The following SLC25A32 variants were observed in gnomAD, a reference collection of about 807,000 sequenced individuals.
SLC25A32 encodes solute carrier family 25 member 32.
SLC25A32 carries 32 observed loss-of-function variants against 39.0 expected under a neutral mutation model. The observed-to-expected ratio is 0.82, with a 90% confidence interval of 0.62 to 1.10. SLC25A32 has a LOEUF of 1.10. Among genes scored for constraint, SLC25A32 ranks in the 50% least tolerant of loss-of-function variants. The probability of loss-of-function intolerance (pLI) is 0.00; values close to 1 mark genes in which losing one functional copy is unlikely to be tolerated. For missense variants in SLC25A32, 367 were observed against 395.3 expected, an observed-to-expected ratio of 0.93 and a Z score of 0.61; for synonymous variants, 166 against 152.4, an observed-to-expected ratio of 1.09 and a Z score of -0.66.
intron 1 of SLC25A32, among the ~76,000 whole-genome samples, chr8:103,414,435 T>A (rs987364203): frequency 1.3e-5 from 2 of 152,228 alleles, no homozygotes; most frequent in Non-Finnish European, 2.9e-5. Flanking sequence ...GATTTCAAAG[T>A]TCCTCCAAGA....
chr8:103,408,740 A>T (rs1326535618), intron 1 of SLC25A32, among the ~76,000 whole-genome samples: 1 of 152,204 alleles, frequency 6.6e-6, no homozygotes, highest in Admixed American at 6.5e-5. Flanking sequence ...AACAAACGCC[A>T]TCATCATCTG....
intron 1 of SLC25A32, 123 bp downstream of exon 1, chr8:103,414,661 A>C: frequency 1.5e-6 from 2 of 1,369,444 alleles, no homozygotes; most frequent in Admixed American, 4.4e-5. Flanking sequence ...AGTTCAGGTT[A>C]GCCAACGCGG....
chr8:103,413,750 C>T (rs910101796), intron 1 of SLC25A32, among the ~76,000 whole-genome samples: 27 of 152,242 alleles, frequency 1.8e-4, no homozygotes, highest in African/African-American at 6.5e-4. Flanking sequence ...CGGGTTCTTG[C>T]TTCCTCTCCA....
chr8:103,401,483 C>T (rs758804462), intron 6 of SLC25A32, 33 bp downstream of exon 6: 4 of 1,597,696 alleles, frequency 2.5e-6, no homozygotes, highest in Non-Finnish European at 2.6e-6. Context: ...GGTACCTTGT[C>T]AAAGCAATTT....
In SLC25A32 at chr8:103,400,391, T is replaced by G. The variant is rs1175623891; in HGVS notation, c.*20A>C. ...TTGTTGCTGCCTTGGGCAGATATAC[T>G]GGAATTGTCCTCTTTGAGCTTACTT... is the stretch of plus-strand genomic sequence containing the variant. On this transcript the variant is annotated 3_prime_UTR_variant, in exon 7 of 7. Transcript: ENST00000297578. 6.2e-7 allele frequency: 1 copy of G among 1,613,774 alleles called. No homozygotes were observed. The highest frequency in any genetic ancestry group is 1.3e-5 in the African/African-American group (1 of 74,930).
rs1471631343 is a variant in SLC25A32 at position 103,399,508 on chromosome 8, G to A, written c.*903C>T. ...CAATAGATGTCAGATATTTCTCTGA[G>A]AAGTATATAGTTTCTCAATTTTCGC... is the stretch of plus-strand genomic sequence containing the variant. On this transcript the variant is annotated 3_prime_UTR_variant, in exon 7 of 7. Transcript: ENST00000297578. The A allele has an allele frequency of 6.6e-6, 1 of 152,170 alleles. No homozygotes were observed. The highest frequency in any genetic ancestry group is 2.4e-5 in the African/African-American group (1 of 41,430). The allele number at this position is 152,170 out of a possible 1,614,324, so 9.4% of individuals were successfully genotyped here.
chr8:103,414,467 G>A (rs183901756), intron 1 of SLC25A32, among the ~76,000 whole-genome samples: 36 of 152,304 alleles, frequency 2.4e-4, no homozygotes, highest in African/African-American at 3.6e-4. Context: ...GCACGTGTGA[G>A]GACTAAACCT....
chr8:103,415,039 C>A lies in SLC25A32; in HGVS notation c.-102G>T. The A allele has an allele frequency of 2.5e-6, 4 of 1,594,414 alleles. No homozygotes were observed. Among genetic ancestry groups the A allele is most frequent in the Non-Finnish European group, 3.4e-6 (4 of 1,170,936 alleles). ...ACGGTCGCCCCTTGTGAGCGCAACC[C>A]CACCTCCGGGACCAACGAGAGGACT... On this transcript the variant is annotated 5_prime_UTR_variant, in exon 1 of 7. Coordinates refer to ENST00000297578, the MANE Select transcript of SLC25A32 (RefSeq NM_030780.5).
Position 103,404,872 on chromosome 8 carries a change from T to G in SLC25A32, c.306-11A>C, listed in dbSNP as rs2130442520. On this transcript the variant is annotated splice_polypyrimidine_tract_variant and intron_variant, in intron 2 of 6. Coordinates refer to ENST00000297578, the MANE Select transcript of SLC25A32 (RefSeq NM_030780.5). ...TTGATGGCATTGTAACTAAAAGAAT[T>G]AAATGTGAGCAGTTTAATTTGAATA... The G allele has an allele frequency of 1.3e-6, 2 of 1,584,522 alleles. No individual in the cohort carries two copies. Among genetic ancestry groups the G allele is most frequent in the Non-Finnish European group, 1.7e-6 (2 of 1,153,844 alleles).
chr8:103,414,968 C>T lies in SLC25A32; in HGVS notation c.-31G>A. The T allele has an allele frequency of 6.3e-7, 1 of 1,583,978 alleles. No individual in the cohort carries two copies. Among genetic ancestry groups the T allele is most frequent in the Non-Finnish European group, 8.6e-7 (1 of 1,164,874 alleles). On this transcript the variant is annotated 5_prime_UTR_variant, in exon 1 of 7. Coordinates refer to ENST00000297578, the MANE Select transcript of SLC25A32 (RefSeq NM_030780.5). ...CGGGGCCCGTCGACACCACGGCGCCCAGGGCCGCGGAGGTGGGACGCGATG... is the reference window on the plus strand; with the variant it reads ...CGGGGCCCGTCGACACCACGGCGCCTAGGGCCGCGGAGGTGGGACGCGATG...
At chr8:103,405,003 A>G (rs1369315216) in intron 2 of SLC25A32, 142 bp from the exon 3 acceptor site, 4 of 538,004 alleles carry the variant, frequency 7.4e-6, no homozygotes, top group Non-Finnish European at 9.7e-6. Flanking sequence ...TTCAAGAATG[A>G]ATTTGCTGGA....
intron 1 of SLC25A32, among the ~76,000 whole-genome samples, chr8:103,409,602 A>G (rs1816417076): frequency 6.6e-6 from 1 of 152,188 alleles, no homozygotes; most frequent in African/African-American, 2.4e-5. Flanking sequence ...TGCCTTCCAG[A>G]AAGTTTATAC....
At chr8:103,407,330 A>C in intron 2 of SLC25A32, among the ~76,000 whole-genome samples, 1 of 152,222 alleles carries the variant, frequency 6.6e-6, no homozygotes, top group East Asian at 1.9e-4. Context: ...CTTCTCTAAA[A>C]GTATCATTCC....
chr8:103,414,875 G>C lies in SLC25A32; in HGVS notation c.63C>G (p.Val21=), dbSNP rs1049823457. The C allele has an allele frequency of 1.4e-5, 22 of 1,613,164 alleles. No homozygotes were observed. The highest frequency in any genetic ancestry group is 1.8e-5 in the Non-Finnish European group (21 of 1,179,858). The change falls in exon 1 of 7, where the codon GTC becomes GTG. Residue 21 remains valine, a synonymous_variant. Transcript: ENST00000297578. The part of the protein sequence containing the change: ...SSAWSTVFRH[V]RYENLIAGVS... ...CGCCCGCTATCAGGTTCTCATACCG[G>C]ACGTGGCGGAATACCGTGCTCCACG...
intron 2 of SLC25A32, among the ~76,000 whole-genome samples, chr8:103,406,082 C>T (rs4734708): frequency 0.87 from 125,721 of 145,232 alleles, 53,641 homozygotes; most frequent in East Asian, 0.99. Flanking sequence ...TATATATATA[C>T]ACACACACAT....
intron 1 of SLC25A32, among the ~76,000 whole-genome samples, chr8:103,411,995 C>T (rs1350664050): frequency 6.6e-6 from 1 of 152,234 alleles, no homozygotes; most frequent in African/African-American, 2.4e-5. Flanking sequence ...AATCCCAGTT[C>T]TAGCAATTAC....
intron 3 of SLC25A32, among the ~76,000 whole-genome samples, chr8:103,403,618 T>C (rs1816266203): frequency 6.6e-6 from 1 of 152,148 alleles, no homozygotes; most frequent in African/African-American, 2.4e-5. Context: ...CAAAAATGTC[T>C]TGACTCCTAA....
intron 1 of SLC25A32, among the ~76,000 whole-genome samples, chr8:103,411,458 A>G (rs1464358912): frequency 1.3e-5 from 2 of 151,088 alleles, no homozygotes. Context: ...CCCCTGCTGC[A>G]ATCTGGTTTG....
At position 103,414,790 on chromosome 8, in the gene SLC25A32, A is replaced by G. The variant is rs766944140; in HGVS notation, c.148T>C (p.Phe50Leu). ...LHPLDLVKIRFAVSDGLELRP... is the reference protein window; with the variant it reads ...LHPLDLVKIRLAVSDGLELRP... ...TGTCTGGGCGGGCTCTTACCGGCGA[A>G]GCGGATCTTCACGAGGTCGAGCGGA... Residue 50 changes from phenylalanine to leucine, a missense_variant, in exon 1 of 7, where the codon TTC (phenylalanine) becomes CTC (leucine). Physicochemically the swap from Phe to Leu is conservative, Grantham distance 22. Transcript: ENST00000297578. 1 of 1,613,712 alleles carries G rather than the reference A, an allele frequency of 6.2e-7. No individual in the cohort carries two copies.
Sources: gnomAD v4.1 joint callset for allele counts (sites outside exome capture counted in the v4.1 genomes callset) on GRCh38, gnomAD v4.1.1 for gene constraint, MANE v1.5 for transcripts, NCBI Gene and HGNC (gene_info 2026-07-23, HGNC 2026-07-21) for gene names.